Variants in RPS3A observed in about 807,000 individuals in gnomAD.
RPS3A encodes the protein small ribosomal subunit protein eS1.
RPS3A carries 1 observed loss-of-function variant against 26.4 expected under a neutral mutation model. The observed-to-expected ratio is 0.04, with a 90% CI of 0.01 to 0.18. RPS3A has a LOEUF of 0.18. Ranked by LOEUF, RPS3A falls within the 10% of genes least tolerant of loss-of-function variation. RPS3A has a pLI of 1.00. For missense variants in RPS3A, 139 were observed against 326.8 expected (o/e 0.43, Z 4.43); for synonymous variants, 97 against 106.1 (o/e 0.91, Z 0.53).
rs1000873413 is a variant in RPS3A, at chr4:151,104,163, T to G, written c.564-14T>G. ...AGGACTTTTAGAAAAAAATTTACTG[T>G]TACTGGTTTGCAGGATTCCAGACAG... On this transcript the variant is annotated splice_polypyrimidine_tract_variant and intron_variant, in intron 4 of 5. Coordinates refer to ENST00000274065, the MANE Select transcript of RPS3A (RefSeq NM_001006.5). The G allele has an allele frequency of 1.3e-6, 2 of 1,596,062 alleles. No individual in the cohort carries two copies. Among genetic ancestry groups the G allele is most frequent in the Non-Finnish European group, 1.7e-6 (2 of 1,175,754 alleles).
intron 5 of RPS3A, 33 bp from the exon 6 acceptor site, chr4:151,104,439 G>GTTTTTTTTTTTGT: frequency 4.2e-6 from 3 of 710,326 alleles, no homozygotes; most frequent in Non-Finnish European, 5.4e-6. Context: ...CAGTTTTTTG[G>GTTTTTTTTTTTGT]TTTTTTTTTT....
Position 151,104,439 on chromosome 4 carries a change from GTTTTTT to G in RPS3A, c.674-15_674-10del, listed in dbSNP as rs386401872. 4.4e-3 allele frequency: 3,122 copies of G among 711,488 alleles called. 2 individuals carry two copies. Among genetic ancestry groups the G allele is most frequent in the Non-Finnish European group, 4.8e-3 (2,637 of 551,084 alleles). The allele number at this position is 711,488 out of a possible 1,614,324, so 44.1% of individuals were successfully genotyped here. On this transcript the variant is annotated intron_variant, in intron 5 of 5. Transcript: ENST00000274065. ...TTCAAGATATACTAACAGTTTTTTG[GTTTTTT>G]TTTTTTTTTTTTTTTTTGCCTTTTA...
intron 4 of RPS3A, 51 bp downstream of exon 4, chr4:151,103,130 T>C: frequency 6.4e-7 from 1 of 1,562,206 alleles, no homozygotes; most frequent in Non-Finnish European, 8.6e-7. Context: ...TATTGGATTA[T>C]TCCTGAGATG....
At position 151,103,529 on chromosome 4, in the gene RPS3A, G is replaced by A. The variant is rs527383852; in HGVS notation, c.563+450G>A. 1.0e-4 allele frequency: 106 copies of A among 1,028,278 alleles called. No homozygotes were observed. In the South Asian group the frequency reaches 2.3e-3, roughly 23 times the overall value. 63.7% of individuals were successfully genotyped at this position (1,028,278 alleles called of 1,614,324 possible). On this transcript the variant is annotated intron_variant, in intron 4 of 5. Coordinates refer to ENST00000274065, the MANE Select transcript of RPS3A (RefSeq NM_001006.5). Reference sequence around the variant, plus strand: ...TACTCTAAATGATAACAGTTTTTTCGTGTTTATTTATTTTGAATGAAGCTG... The same window carrying A: ...TACTCTAAATGATAACAGTTTTTTCATGTTTATTTATTTTGAATGAAGCTG...
chr4:151,103,114 C>T, intron 4 of RPS3A, 35 bp downstream of exon 4: 1 of 1,578,910 alleles, frequency 6.3e-7, no homozygotes, highest in Non-Finnish European at 8.5e-7. Context: ...ACAACACAAC[C>T]TTGAGTATTG....
Position 151,104,455 on chromosome 4 carries a change from T to TTTTTTTTTTTTTG in RPS3A, c.674-10_674-9insTTTTTGTTTTTTT. ...AGTTTTTTGGTTTTTTTTTTTTTTT[T>TTTTTTTTTTTTTG]TTTTTTTGCCTTTTAGTGGGAAAGC... is the stretch of plus-strand genomic sequence containing the variant. On this transcript the variant is annotated splice_polypyrimidine_tract_variant and intron_variant, in intron 5 of 5. Coordinates refer to ENST00000274065, the MANE Select transcript of RPS3A (RefSeq NM_001006.5). 1 of 1,415,308 alleles carries TTTTTTTTTTTTTG rather than the reference T, an allele frequency of 7.1e-7. No homozygotes were observed. Among genetic ancestry groups the TTTTTTTTTTTTTG allele is most frequent in the South Asian group, 1.5e-5 (1 of 64,640 alleles). The allele number at this position is 1,415,308 out of a possible 1,614,324, so 87.7% of individuals were successfully genotyped here. A position where few individuals can be genotyped will look rare whatever the true frequency, so the allele number is the denominator to read the frequency against.
Position 151,099,806 on chromosome 4 carries a change from G to T in RPS3A, c.62+92G>T, listed in dbSNP as rs114480136. On this transcript the variant is annotated intron_variant, in intron 1 of 5. Transcript: ENST00000274065. ...ATCGCGGCGTAGGCCGGATGGCGAGGATTCCAGTCGGATTGTGCGGGCCGT... is the reference window on the plus strand; with the variant it reads ...ATCGCGGCGTAGGCCGGATGGCGAGTATTCCAGTCGGATTGTGCGGGCCGT... The T allele has an allele frequency of 4.3e-3, 5,807 of 1,355,628 alleles. 20 individuals carry two copies. Among genetic ancestry groups the T allele is most frequent in the Middle Eastern group, 6.8e-3 (38 of 5,604 alleles). The allele number at this position is 1,355,628 out of a possible 1,614,324, so 84.0% of individuals were successfully genotyped here.
rs202030866 is a variant in RPS3A at position 151,102,923 on chromosome 4, G to A, written c.407G>A (p.Arg136His). The A allele has an allele frequency of 6.8e-6, 11 of 1,611,706 alleles. No homozygotes were observed. In the Admixed American group the frequency reaches 8.3e-5, roughly 12 times the overall value. ...DVKTTDGYLL[R>H]LFCVGFTKKR... ...AAGACTACCGATGGTTACTTGCTTC[G>A]TCTGTTCTGTGTTGGTTTTACTAAA... The change falls in exon 4 of 6, where the codon CGT becomes CAT. Residue 136 changes from arginine to histidine, a missense_variant. By Grantham distance (29) the Arg-to-His change is conservative. This residue lies in a region of RPS3A where 96 missense variants were observed against 209.8 expected (regional missense o/e 0.46). Coordinates refer to ENST00000274065, the MANE Select transcript of RPS3A (RefSeq NM_001006.5).
chr4:151,104,553 G>A lies in RPS3A; in HGVS notation c.755G>A (p.Arg252Gln). The A allele has an allele frequency of 6.4e-7, 1 of 1,552,134 alleles. No homozygotes were observed. Among genetic ancestry groups the A allele is most frequent in the East Asian group, 2.3e-5 (1 of 42,974 alleles). ...GACGAGACAGGTGCTAAAGTTGAAC[G>A]AGCTGATGGATATGAACCACCAGTC... ...TGDETGAKVE[R>Q]ADGYEPPVQE... The change falls in exon 6 of 6, where the codon CGA becomes CAA. Residue 252 changes from arginine (R) to glutamine (Q), a missense_variant. Around this residue, in one of 3 missense-constraint regions of RPS3A, gnomAD observed 96 missense variants for 209.8 expected, o/e 0.46. Coordinates refer to ENST00000274065, the MANE Select transcript of RPS3A (RefSeq NM_001006.5).
intron 5 of RPS3A, 27 bp from the exon 6 acceptor site, chr4:151,104,445 T>TTG: frequency 3.0e-6 from 4 of 1,349,342 alleles, no homozygotes. Context: ...TTTGGTTTTT[T>TTG]TTTTTTTTTT....
chr4:151,099,766 G>C (rs560138865), intron 1 of RPS3A, 52 bp downstream of exon 1: 1 of 1,558,830 alleles, frequency 6.4e-7, no homozygotes, highest in East Asian at 2.3e-5. Flanking sequence ...GCTGGAATCG[G>C]CGGGCTGGTC....
At chr4:151,103,260 T>A (rs1747211216) in intron 4 of RPS3A, 181 bp downstream of exon 4, 1 of 1,192,228 alleles carries the variant, frequency 8.4e-7, no homozygotes, top group African/African-American at 1.5e-5. Context: ...TTATTACTAT[T>A]ATTATTTGAG....
At chr4:151,103,399 G>T in intron 4 of RPS3A, 1 of 585,884 alleles carries the variant, frequency 1.7e-6, no homozygotes, top group Non-Finnish European at 2.3e-6. Flanking sequence ...GAATACAGGG[G>T]ACTGCCACCA....
rs1456953400 is a variant in RPS3A at position 151,100,307 on chromosome 4, G to T, written c.63-178G>T. ...CCTTTCAAAGTCTGATGCATGCAGT[G>T]AAACGTACAGTGGGAAGAGCTAGAT... On this transcript the variant is annotated intron_variant, in intron 1 of 5. Transcript: ENST00000274065. The T allele has an allele frequency of 6.9e-6, 4 of 576,968 alleles. No homozygotes were observed. In the East Asian group the frequency reaches 1.2e-4, roughly 17 times the overall value. 35.7% of individuals were successfully genotyped at this position (576,968 alleles called of 1,614,324 possible). A position where few individuals can be genotyped will look rare whatever the true frequency, so the allele number is the denominator to read the frequency against.
In RPS3A at chr4:151,104,480, C is replaced by T; in HGVS notation, c.682C>T (p.Leu228Phe). 2 of 519,644 alleles carry T rather than the reference C, an allele frequency of 3.8e-6. No homozygotes were observed. The highest frequency in any genetic ancestry group is 5.1e-5 in the East Asian group (1 of 19,438). The allele number at this position is 519,644 out of a possible 1,614,324, so 32.2% of individuals were successfully genotyped here. The change falls in exon 6 of 6, where the codon CTC becomes TTC. Residue 228 changes from leucine to phenylalanine, a missense_variant. This residue lies in a region of RPS3A where 96 missense variants were observed against 209.8 expected (regional missense o/e 0.46). Coordinates refer to ENST00000274065, the MANE Select transcript of RPS3A (RefSeq NM_001006.5). The part of the protein sequence containing the change: ...LKKPKFELGK[L>F]MELHGEGSSS... ...TTTTTTTTGCCTTTTAGTGGGAAAG[C>T]TCATGGAGCTTCATGGTGAAGGCAG...
chr4:151,100,857 T>A, intron 2 of RPS3A, 118 bp from the exon 3 acceptor site: 1 of 704,398 alleles, frequency 1.4e-6, no homozygotes, highest in South Asian at 1.9e-5. Context: ...ATAGATTTGA[T>A]AACAAAGGTT....
chr4:151,103,330 T>C (rs978433486), intron 4 of RPS3A: 12 of 658,908 alleles, frequency 1.8e-5, no homozygotes, highest in Non-Finnish European at 2.1e-5. Context: ...CTTGGCTCAC[T>C]GTAACCACTG....
At chr4:151,103,122 T>A in intron 4 of RPS3A, 43 bp downstream of exon 4, 1 of 1,571,962 alleles carries the variant, frequency 6.4e-7, no homozygotes, top group Non-Finnish European at 8.6e-7. Context: ...ACCTTGAGTA[T>A]TGGATTATTC....
Position 151,104,237 on chromosome 4 carries a change from T to C in RPS3A, c.624T>C (p.His208=). The change falls in exon 5 of 6, where the codon CAT becomes CAC. Residue 208 remains histidine (H), a synonymous_variant. Transcript: ENST00000274065. ...CTTGCCAATCTATTTATCCTCTCCATGATGTCTTCGTTAGAAAAGTAAAAA... is the reference window on the plus strand; with the variant it reads ...CTTGCCAATCTATTTATCCTCTCCACGATGTCTTCGTTAGAAAAGTAAAAA... ...EKACQSIYPL[H]DVFVRKVKML... The C allele has an allele frequency of 6.2e-7, 1 of 1,613,458 alleles. No homozygotes were observed.
Sources: gnomAD v4.1 joint callset for allele counts on GRCh38, gnomAD v4.1.1 for gene constraint, gnomAD v4.1.1 regional missense constraint, MANE v1.5 for transcripts, NCBI Gene and HGNC (gene_info 2026-07-23, HGNC 2026-07-21) for gene names.